CHL1: variants seen among roughly 807,000 people sequenced by gnomAD.
The protein encoded by CHL1 is neural cell adhesion molecule L1-like protein.
CHL1 carries 96 observed loss-of-function variants against 141.9 expected under a neutral mutation model. That is an observed-to-expected ratio of 0.68 (90% CI 0.57 to 0.80). The LOEUF is 0.80. Ranked by LOEUF, CHL1 falls within the 30% of genes least tolerant of loss-of-function variation. The pLI is 0.00. For missense variants in CHL1, 1,820 were observed against 1,457.2 expected (o/e 1.25, Z -4.05); for synonymous variants, 613 against 502.2 (o/e 1.22, Z -2.95).
intron 1 of CHL1, among the ~76,000 whole-genome samples, chr3:202,008 G>A (rs1698991558): frequency 6.6e-6 from 1 of 152,166 alleles, no homozygotes; most frequent in African/African-American, 2.4e-5. Flanking sequence ...TGGCACAGCA[G>A]GAAGCGAACT....
intron 1 of CHL1, among the ~76,000 whole-genome samples, chr3:222,291 A>G (rs1425754266): frequency 2.6e-5 from 4 of 152,120 alleles, no homozygotes; most frequent in Admixed American, 2.6e-4. Context: ...TTTAGCTTCT[A>G]GAGGCCACTT....
rs147794714 is a variant in CHL1 at position 390,969 on chromosome 3, A to G, written c.2601A>G (p.Lys867=). 6.8e-6 allele frequency: 11 copies of G among 1,613,716 alleles called. No homozygotes were observed. The African/African-American group carries it at 1.5e-4, about 22-fold the overall frequency. ...RLKGYQINWW[K]TKSLLDGRTH... Reference sequence around the variant, plus strand: ...TTTCATTGCAGATAAATTGGTGGAAAACAAAAAGTCTGTTGGATGGAAGAA... The same window carrying G: ...TTTCATTGCAGATAAATTGGTGGAAGACAAAAAGTCTGTTGGATGGAAGAA... The change falls in exon 22 of 28, where the codon AAA becomes AAG. Residue 867 remains lysine (K), a synonymous_variant. Coordinates refer to ENST00000256509, the MANE Select transcript of CHL1 (RefSeq NM_006614.4).
rs535778577 is a variant in CHL1, at chr3:304,367, G to C, written c.-94-15316G>C. The stretch of plus-strand genomic sequence containing the variant: ...TAGAATACGGCTGTGAATCCATCTG[G>C]TCCTGGGCTTTATTGGCTGGTAGAT... On this transcript the variant is annotated intron_variant, in intron 2 of 27. Coordinates refer to ENST00000256509, the MANE Select transcript of CHL1 (RefSeq NM_006614.4). 9.9e-5 allele frequency among the ~76,000 whole-genome samples: 15 copies of C among 152,276 alleles called. No homozygotes were observed. The South Asian group carries it at 3.1e-3, about 32-fold the overall frequency.
At chr3:214,673 T>G (rs1700162896) in intron 1 of CHL1, among the ~76,000 whole-genome samples, 1 of 152,206 alleles carries the variant, frequency 6.6e-6, no homozygotes, top group East Asian at 1.9e-4. Flanking sequence ...TGTCCTTACT[T>G]CTGATAGCCC....
rs573693001 is a variant in CHL1, at chr3:378,326, A to G, written c.1876+384A>G. On this transcript the variant is annotated intron_variant, in intron 16 of 27. Coordinates refer to ENST00000256509, the MANE Select transcript of CHL1 (RefSeq NM_006614.4). ...GATCTCGATAGGGGTCAAGAGGTGGATGCACGGTGGTCATCTCTAAACCAA... is the reference window on the plus strand; with the variant it reads ...GATCTCGATAGGGGTCAAGAGGTGGGTGCACGGTGGTCATCTCTAAACCAA... 1.8e-4 allele frequency among the ~76,000 whole-genome samples: 28 copies of G among 152,244 alleles called. No homozygotes were observed. In the South Asian group the frequency reaches 3.9e-3, roughly 21 times the overall value.
rs778303321 is a variant in CHL1 at position 398,238 on chromosome 3, G to A, written c.3106G>A (p.Gly1036Arg). The A allele has an allele frequency of 8.1e-6, 13 of 1,596,680 alleles. No individual in the cohort carries two copies. Among genetic ancestry groups the A allele is most frequent in the Admixed American group, 5.1e-5 (3 of 59,046 alleles). ...TGTACATTTCTTAGGTAAAGGTATC[G>A]GGAAGATATCAGGAGTAAATCTTAC... ...STLGEGSKGI[G>R]KISGVNLTQK... The change falls in exon 25 of 28, where the codon GGG (glycine) becomes AGG (arginine). Residue 1036 changes from glycine (G) to arginine (R), a missense_variant. Gly to Arg is a moderately radical substitution (Grantham distance 125). Coordinates refer to ENST00000256509, the MANE Select transcript of CHL1 (RefSeq NM_006614.4).
At chr3:292,800 G>A (rs1476376150) in intron 2 of CHL1, among the ~76,000 whole-genome samples, 2 of 152,036 alleles carry the variant, frequency 1.3e-5, no homozygotes, top group East Asian at 1.9e-4. Context: ...TGGGGGAGGC[G>A]CCACACGCTT....
At chr3:245,092 T>C (rs776042889) in intron 2 of CHL1, among the ~76,000 whole-genome samples, 2 of 152,158 alleles carry the variant, frequency 1.3e-5, no homozygotes, top group Non-Finnish European at 2.9e-5. Flanking sequence ...AACCTGTATT[T>C]TCAGGGGGTT....
chr3:307,307 C>T lies in CHL1; in HGVS notation c.-94-12376C>T, dbSNP rs139888604. Among the ~76,000 whole-genome samples the T allele has an allele frequency of 1.4e-3, 220 of 152,294 alleles. 1 individual carries two copies. Among genetic ancestry groups the T allele is most frequent in the African/African-American group, 5.1e-3 (214 of 41,556 alleles). ...ATGCTCATAAGTATGTGTACACATG[C>T]ACAAGCATGCATTTACACACACAAA... is the stretch of plus-strand genomic sequence containing the variant. On this transcript the variant is annotated intron_variant, in intron 2 of 27. Coordinates refer to ENST00000256509, the MANE Select transcript of CHL1 (RefSeq NM_006614.4).
At chr3:398,043 T>C (rs1708819508) in intron 24 of CHL1, among the ~76,000 whole-genome samples, 184 bp from the exon 25 acceptor site, 2 of 152,208 alleles carry the variant, frequency 1.3e-5, no homozygotes, top group Non-Finnish European at 2.9e-5. Context: ...TTTCATTTAC[T>C]CAATTTCATT....
chr3:236,935 G>C (rs928094691), intron 1 of CHL1, among the ~76,000 whole-genome samples: 2 of 151,718 alleles, frequency 1.3e-5, no homozygotes, highest in Non-Finnish European at 1.5e-5. Context: ...TTCTCATGTC[G>C]TGGATAAGGA....
At chr3:390,493 T>G (rs144176694) in intron 20 of CHL1, among the ~76,000 whole-genome samples, 2 of 152,358 alleles carry the variant, frequency 1.3e-5, no homozygotes, top group East Asian at 1.9e-4. Context: ...GGGCTTTGTT[T>G]CTCAGTGTGA....
intron 14 of CHL1, 86 bp from the exon 15 acceptor site, chr3:365,864 C>A (rs1237208485): frequency 1.0e-6 from 1 of 987,174 alleles, no homozygotes; most frequent in Non-Finnish European, 1.5e-6. Flanking sequence ...GTTATGGTGA[C>A]AATTTGGGTT....
chr3:236,862 T>A (rs546437185), intron 1 of CHL1, among the ~76,000 whole-genome samples: 6 of 141,412 alleles, frequency 4.2e-5, no homozygotes, highest in East Asian at 4.0e-4. Flanking sequence ...AGAGAGTTTT[T>A]AAAAAATAAT....
At chr3:364,791 C>T (rs1411031066) in intron 14 of CHL1, among the ~76,000 whole-genome samples, 1 of 152,064 alleles carries the variant, frequency 6.6e-6, no homozygotes, top group African/African-American at 2.4e-5. Context: ...TGTCTTATGG[C>T]TCAATTTCAT....
At chr3:288,702 G>A (rs1048803420) in intron 2 of CHL1, among the ~76,000 whole-genome samples, 9 of 152,190 alleles carry the variant, frequency 5.9e-5, no homozygotes, top group South Asian at 2.1e-4. Context: ...GGCGGGATGC[G>A]CTCCATCTTT....
At chr3:252,830 C>T (rs1335664120) in intron 2 of CHL1, among the ~76,000 whole-genome samples, 1 of 151,988 alleles carries the variant, frequency 6.6e-6, no homozygotes, top group Non-Finnish European at 1.5e-5. Flanking sequence ...ATTTTGTTAG[C>T]CTATGTATAG....
intron 14 of CHL1, among the ~76,000 whole-genome samples, chr3:365,425 C>T (rs1183878735): frequency 6.6e-6 from 1 of 152,300 alleles, no homozygotes; most frequent in South Asian, 2.1e-4. Flanking sequence ...CTTCTAGGCT[C>T]TGGAGACACT....
At chr3:198,488 T>G (rs1037392417) in intron 1 of CHL1, among the ~76,000 whole-genome samples, 1 of 152,168 alleles carries the variant, frequency 6.6e-6, no homozygotes, top group Admixed American at 6.5e-5. Flanking sequence ...AGCTCCACCA[T>G]CACTGTGATG....
Sources: gnomAD v4.1 joint callset for allele counts (sites outside exome capture counted in the v4.1 genomes callset) on GRCh38, gnomAD v4.1.1 for gene constraint, MANE v1.5 for transcripts, NCBI Gene and HGNC (gene_info 2026-07-23, HGNC 2026-07-21) for gene names.